TLL1: variants seen among roughly 807,000 people sequenced by gnomAD.
TLL1 encodes tolloid-like protein 1.
Under a neutral mutation model 128.2 loss-of-function variants are expected in TLL1, and 49 were observed. The observed-to-expected ratio is 0.38, with a 90% confidence interval of 0.30 to 0.48. The LOEUF (loss-of-function observed/expected upper bound fraction) is 0.48. TLL1 is among the 20% of genes least tolerant of loss of function. The probability of loss-of-function intolerance (pLI) is 0.96; values close to 1 mark genes in which losing one functional copy is unlikely to be tolerated. For missense variants in TLL1, 1,123 were observed against 1,242.0 expected (o/e 0.90, Z 1.44); for synonymous variants, 454 against 418.8 (o/e 1.08, Z -1.03).
At chr4:166,063,779 G>C (rs1338473454) in intron 15 of TLL1, among the ~76,000 whole-genome samples, 1 of 152,060 alleles carries the variant, frequency 6.6e-6, no homozygotes, top group African/African-American at 2.4e-5. Context: ...TTCATAGGTG[G>C]GAATTGAACA....
At chr4:165,926,210 T>C (rs1246945429) in intron 1 of TLL1, among the ~76,000 whole-genome samples, 2 of 152,164 alleles carry the variant, frequency 1.3e-5, no homozygotes, top group Non-Finnish European at 2.9e-5. Flanking sequence ...TCAGGAAGTA[T>C]ATATTGAAAT....
At chr4:166,100,489 A>C (rs1205134994) in intron 20 of TLL1, among the ~76,000 whole-genome samples, 2 of 152,112 alleles carry the variant, frequency 1.3e-5, no homozygotes, top group South Asian at 2.1e-4. Flanking sequence ...CCCAGAACTT[A>C]GAAAATGTAA....
At chr4:166,092,047 TA>T (rs1690378003) in intron 19 of TLL1, among the ~76,000 whole-genome samples, 1 of 2,424 alleles carries the variant, frequency 4.1e-4, no homozygotes, top group Admixed American at 7.9e-3. Flanking sequence ...GTTAAGACAG[TA>T]TATCAGTTAA....
At chr4:165,988,719 G>A (rs1736499181) in intron 1 of TLL1, among the ~76,000 whole-genome samples, 1 of 151,870 alleles carries the variant, frequency 6.6e-6, no homozygotes, top group Non-Finnish European at 1.5e-5. Flanking sequence ...TATGGACCGT[G>A]TTATATTTGT....
chr4:166,008,246 C>A, intron 7 of TLL1, among the ~76,000 whole-genome samples, 198 bp downstream of exon 7: 1 of 151,466 alleles, frequency 6.6e-6, no homozygotes, highest in East Asian at 1.9e-4. Context: ...TTTTTAAATT[C>A]TCTACCAAAT....
intron 1 of TLL1, among the ~76,000 whole-genome samples, chr4:165,968,393 C>A (rs943855554): frequency 2.6e-5 from 4 of 152,116 alleles, no homozygotes; most frequent in Non-Finnish European, 5.9e-5. Context: ...TTTTTCTATT[C>A]CTATTGCCAA....
At chr4:165,956,855 C>T (rs1007918992) in intron 1 of TLL1, among the ~76,000 whole-genome samples, 5 of 152,020 alleles carry the variant, frequency 3.3e-5, no homozygotes, top group Non-Finnish European at 7.4e-5. Context: ...TCCAGCCGGT[C>T]CCTCTGTTTG....
chr4:165,952,329 G>A (rs1193207710), intron 1 of TLL1, among the ~76,000 whole-genome samples: 1 of 152,074 alleles, frequency 6.6e-6, no homozygotes, highest in Non-Finnish European at 1.5e-5. Flanking sequence ...AAACATTTTT[G>A]TACAGCTTCC....
In TLL1 at chr4:166,104,233, G is replaced by T. The variant is rs1742415667; in HGVS notation, c.*3357G>T. On this transcript the variant is annotated 3_prime_UTR_variant, in exon 21 of 21. Coordinates refer to ENST00000061240, the MANE Select transcript of TLL1 (RefSeq NM_012464.5). Reference sequence around the variant, plus strand: ...AAATGACTAATTTTATTTTTGCAAGGTTAAAATTTATTTTTAAAAGAAACA... The same window carrying T: ...AAATGACTAATTTTATTTTTGCAAGTTTAAAATTTATTTTTAAAAGAAACA... 6.6e-6 allele frequency among the ~76,000 whole-genome samples: 1 copy of T among 151,814 alleles called. No homozygotes were observed. Among genetic ancestry groups the T allele is most frequent in the Non-Finnish European group, 1.5e-5 (1 of 67,900 alleles).
Position 165,890,711 on chromosome 4 carries a change from T to C in TLL1, c.169+16638T>C, listed in dbSNP as rs10020841. On this transcript the variant is annotated intron_variant, in intron 1 of 20. Coordinates refer to ENST00000061240, the MANE Select transcript of TLL1 (RefSeq NM_012464.5). The stretch of plus-strand genomic sequence containing the variant: ...TGCTGGGTACAGCTTCTCTCCTGGC[T>C]GCCTTAATGGGCTGGCATTGAGTGT... 1.8e-3 allele frequency among the ~76,000 whole-genome samples: 279 copies of C among 152,330 alleles called. 2 individuals are homozygous for C. The highest frequency in any genetic ancestry group is 6.4e-3 in the African/African-American group (266 of 41,588).
Position 166,101,184 on chromosome 4 carries a change from T to G in TLL1, c.*308T>G, listed in dbSNP as rs752591004. 4.3e-5 allele frequency: 15 copies of G among 344,968 alleles called. No individual in the cohort carries two copies. Among genetic ancestry groups the G allele is most frequent in the Non-Finnish European group, 8.2e-5 (15 of 183,458 alleles). The allele number at this position is 344,968 out of a possible 1,614,324, so 21.4% of individuals were successfully genotyped here. A position where few individuals can be genotyped will look rare whatever the true frequency, so the allele number is the denominator to read the frequency against. On this transcript the variant is annotated 3_prime_UTR_variant, in exon 21 of 21. Coordinates refer to ENST00000061240, the MANE Select transcript of TLL1 (RefSeq NM_012464.5). ...ATAGATGCCTCACAATTCAGACAGT[T>G]TAATTCAGGAACTGTGACCCTGCAG...
intron 1 of TLL1, 61 bp downstream of exon 1, chr4:165,874,134 T>C: frequency 6.3e-7 from 1 of 1,593,814 alleles, no homozygotes. Context: ...GGGTTTCCCA[T>C]GGGTGGCGGT....
intron 1 of TLL1, among the ~76,000 whole-genome samples, chr4:165,904,520 G>A (rs903829986): frequency 7.2e-5 from 11 of 152,272 alleles, no homozygotes; most frequent in Admixed American, 2.0e-4. Context: ...AGGAATTAGA[G>A]GAGACAAAAT....
At chr4:165,883,880 C>T (rs1224334625) in intron 1 of TLL1, among the ~76,000 whole-genome samples, 2 of 152,172 alleles carry the variant, frequency 1.3e-5, no homozygotes, top group African/African-American at 4.8e-5. Context: ...GCTCATATGC[C>T]TAATACACTC....
At chr4:166,050,100 A>G (rs1739640172) in intron 12 of TLL1, among the ~76,000 whole-genome samples, 2 of 152,194 alleles carry the variant, frequency 1.3e-5, no homozygotes, top group South Asian at 4.1e-4. Flanking sequence ...TGTTAAGTGT[A>G]CAGTTCAGTA....
Position 166,052,965 on chromosome 4 carries a change from G to GTGTATATA in TLL1, c.1525-2110_1525-2109insGTATATAT. Among the ~76,000 whole-genome samples, 29 of 99,692 alleles carry GTGTATATA rather than the reference G, an allele frequency of 2.9e-4. 2 individuals are homozygous for GTGTATATA. The highest frequency in any genetic ancestry group is 6.3e-4 in the East Asian group (2 of 3,188). The allele number at this position is 99,692 out of a possible 152,430, so 65.4% of individuals were successfully genotyped here. On this transcript the variant is annotated intron_variant, in intron 12 of 20. Coordinates refer to ENST00000061240, the MANE Select transcript of TLL1 (RefSeq NM_012464.5). ...TAAAGACTGAGATAAGAGGTTATGT[G>GTGTATATA]TATATATATATATATATTTGGCCAA...
chr4:166,035,776 G>A (rs1738970668), intron 9 of TLL1, among the ~76,000 whole-genome samples: 1 of 152,076 alleles, frequency 6.6e-6, no homozygotes, highest in African/African-American at 2.4e-5. Context: ...CACAAATACT[G>A]ATTTCTAACA....
intron 1 of TLL1, among the ~76,000 whole-genome samples, chr4:165,884,837 A>G (rs1194939626): frequency 6.6e-6 from 1 of 152,216 alleles, no homozygotes; most frequent in African/African-American, 2.4e-5. Flanking sequence ...CTCTGTCTCA[A>G]ATAATAATGA....
chr4:165,946,209 C>A (rs911787763), intron 1 of TLL1, among the ~76,000 whole-genome samples: 3 of 152,102 alleles, frequency 2.0e-5, no homozygotes, highest in Non-Finnish European at 2.9e-5. Flanking sequence ...TTTTCCAGAG[C>A]CTCCAGAATG....
Sources: gnomAD v4.1 joint callset for allele counts (sites outside exome capture counted in the v4.1 genomes callset) on GRCh38, gnomAD v4.1.1 for gene constraint, MANE v1.5 for transcripts, NCBI Gene and HGNC (gene_info 2026-07-23, HGNC 2026-07-21) for gene names.